ADCY9: variants seen among roughly 807,000 people sequenced by gnomAD.
ADCY9 encodes adenylate cyclase type 9.
A neutral mutation model predicts 101.5 loss-of-function variants in ADCY9; 50 were observed. The observed-to-expected ratio is 0.49, with a 90% CI of 0.39 to 0.62. The LOEUF (loss-of-function observed/expected upper bound fraction) is 0.62, where lower values mean the gene tolerates loss of function less well. ADCY9 is among the 20% of genes least tolerant of loss of function. The pLI is 0.00. For missense variants in ADCY9, 1,662 were observed against 1,800.4 expected (o/e 0.92, Z 1.39); for synonymous variants, 905 against 769.3 (o/e 1.18, Z -2.92).
At chr16:3,956,502 T>G (rs866865541) in intron 5 of ADCY9, among the ~76,000 whole-genome samples, 2 of 90,754 alleles carry the variant, frequency 2.2e-5, no homozygotes, top group South Asian at 7.6e-4. Flanking sequence ...TTTTTTTTTT[T>G]TGGGGGGGGA....
At position 3,963,324 on chromosome 16, in the gene ADCY9, G is replaced by T. The variant is rs1597128864; in HGVS notation, c.*2451C>A. Reference sequence around the variant, plus strand: ...CCTCGTGCCAGCTGCTTAGAAACTCGTGTCTCCAGCACGATGTGCTCGCTG... The same window carrying T: ...CCTCGTGCCAGCTGCTTAGAAACTCTTGTCTCCAGCACGATGTGCTCGCTG... On this transcript the variant is annotated 3_prime_UTR_variant, in exon 11 of 11. Transcript: ENST00000294016. 1 of 398,750 alleles carries T rather than the reference G, an allele frequency of 2.5e-6. No individual in the cohort carries two copies. The highest frequency in any genetic ancestry group is 4.4e-6 in the Non-Finnish European group (1 of 226,016). The allele number at this position is 398,750 out of a possible 1,614,324, so 24.7% of individuals were successfully genotyped here.
At chr16:3,956,786 T>C (rs908874093) in intron 5 of ADCY9, among the ~76,000 whole-genome samples, 3 of 151,934 alleles carry the variant, frequency 2.0e-5, no homozygotes, top group African/African-American at 4.8e-5. Flanking sequence ...TGAGCCACCG[T>C]GCCCGGCCAG....
intron 6 of ADCY9, chr16:3,983,648 G>C (rs2056165569): frequency 5.1e-6 from 3 of 583,394 alleles, no homozygotes; most frequent in Non-Finnish European, 9.1e-6. Context: ...TGCCCAGGGG[G>C]CTGGGCACGG....
At position 4,114,777 on chromosome 16, in the gene ADCY9, C is replaced by A; in HGVS notation, c.666G>T (p.Gly222=). 1 of 1,613,272 alleles carries A rather than the reference C, an allele frequency of 6.2e-7. No homozygotes were observed. Among genetic ancestry groups the A allele is most frequent in the Non-Finnish European group, 8.5e-7 (1 of 1,180,048 alleles). Residue 222 remains glycine, a synonymous_variant, in exon 2 of 11, where the codon GGG becomes GGT. Coordinates refer to ENST00000294016, the MANE Select transcript of ADCY9 (RefSeq NM_001116.4). The surrounding 1 kb of genome is among the most constrained non-coding windows in gnomAD (Gnocchi z 4.3). ...GCACTTCGATGCACATGGAGAAGCT[C>A]CCCACTTGAGATAAGCAAGTATCTG... is the stretch of plus-strand genomic sequence containing the variant. ...RPTDTCLSQV[G]SFSMCIEVLF...
At chr16:4,066,501 C>T (rs191832811) in intron 2 of ADCY9, among the ~76,000 whole-genome samples, 1 of 152,254 alleles carries the variant, frequency 6.6e-6, no homozygotes, top group East Asian at 1.9e-4. Context: ...ATCCTCCTAC[C>T]TCAGCCTCCA....
At chr16:3,956,504 G>T (rs201152671) in intron 5 of ADCY9, among the ~76,000 whole-genome samples, 24 of 4,708 alleles carry the variant, frequency 5.1e-3, no homozygotes, top group African/African-American at 7.5e-3. Context: ...TTTTTTTTTT[G>T]GGGGGGGATG....
At chr16:4,079,298 G>A (rs1019073940) in intron 2 of ADCY9, among the ~76,000 whole-genome samples, 3 of 152,226 alleles carry the variant, frequency 2.0e-5, no homozygotes, top group African/African-American at 7.2e-5. Flanking sequence ...GCCAGGCATG[G>A]TGGCTCACGC....
chr16:3,970,089 G>A (rs1005480654), intron 10 of ADCY9, among the ~76,000 whole-genome samples: 1 of 152,058 alleles, frequency 6.6e-6, no homozygotes, highest in Non-Finnish European at 1.5e-5. Context: ...TTCCTCCCGC[G>A]CACAGAGTAG....
chr16:3,993,234 T>A, intron 4 of ADCY9, 172 bp downstream of exon 4: 1 of 1,214,820 alleles, frequency 8.2e-7, no homozygotes, highest in Non-Finnish European at 1.1e-6. Context: ...CTGCTGACCC[T>A]CCCTCGAGCT....
At chr16:4,097,487 T>TATATATATATATATATATATAC (rs76750792) in intron 2 of ADCY9, among the ~76,000 whole-genome samples, 1 of 72,508 alleles carries the variant, frequency 1.4e-5, no homozygotes, top group African/African-American at 5.2e-5. Context: ...TATATATATA[T>TATATATATATATATATATATAC]ACACACACAC....
In ADCY9 at chr16:3,974,521, C is replaced by T. The variant is rs55659618; in HGVS notation, c.2870+148G>A. 3,478 of 602,002 alleles carry T rather than the reference C, an allele frequency of 5.8e-3. 17 individuals carry two copies. Among genetic ancestry groups the T allele is most frequent in the Non-Finnish European group, 8.4e-3 (2,829 of 335,512 alleles). The allele number at this position is 602,002 out of a possible 1,614,324, so 37.3% of individuals were successfully genotyped here. On this transcript the variant is annotated intron_variant, in intron 10 of 10. Transcript: ENST00000294016. ...ACATTATAACTATGATACAGTTCAA[C>T]GAGGAGATATTTTCCACTTTCTATT...
At chr16:4,086,104 A>T (rs1488887585) in intron 2 of ADCY9, among the ~76,000 whole-genome samples, 1 of 151,954 alleles carries the variant, frequency 6.6e-6, no homozygotes, top group Admixed American at 6.6e-5. Flanking sequence ...GGGCAGAAGG[A>T]TGCTGCTTGG....
chr16:4,012,591 G>T (rs12595857), intron 2 of ADCY9, among the ~76,000 whole-genome samples: 1 of 151,876 alleles, frequency 6.6e-6, no homozygotes, highest in Non-Finnish European at 1.5e-5. Context: ...CAACAACAGC[G>T]ATGTCTTTTA....
intron 3 of ADCY9, among the ~76,000 whole-genome samples, chr16:4,005,731 T>A (rs1266313895): frequency 6.6e-6 from 1 of 152,230 alleles, no homozygotes; most frequent in African/African-American, 2.4e-5. Flanking sequence ...TGGTGAACTC[T>A]GCGACCGCAT....
intron 2 of ADCY9, among the ~76,000 whole-genome samples, chr16:4,014,872 C>G (rs2056427582): frequency 6.6e-6 from 1 of 151,498 alleles, no homozygotes; most frequent in African/African-American, 2.4e-5. Context: ...AATGGCTAAA[C>G]AGCTGCCATC....
downstream of ADCY9, among the ~76,000 whole-genome samples, chr16:3,958,116 A>G (rs990230730): frequency 2.6e-5 from 4 of 152,196 alleles, no homozygotes; most frequent in African/African-American, 9.6e-5. Flanking sequence ...CTCAAAGAGC[A>G]GCGGGGGCTC....
At chr16:4,069,630 T>G (rs541662885) in intron 2 of ADCY9, among the ~76,000 whole-genome samples, 2 of 152,172 alleles carry the variant, frequency 1.3e-5, no homozygotes, top group Non-Finnish European at 2.9e-5. Flanking sequence ...CTATTCTCAA[T>G]TATATTCGTA....
chr16:4,076,303 C>G (rs2056867016), intron 2 of ADCY9, among the ~76,000 whole-genome samples: 1 of 152,162 alleles, frequency 6.6e-6, no homozygotes, highest in South Asian at 2.1e-4. Flanking sequence ...TAACAAGAGC[C>G]TAAAAGAAAA....
At chr16:3,975,435 C>T (rs2056085559) in intron 9 of ADCY9, among the ~76,000 whole-genome samples, 2 of 152,184 alleles carry the variant, frequency 1.3e-5, no homozygotes, top group Admixed American at 6.6e-5. Context: ...CGGATGCTCA[C>T]ACTGCCCATG....
Sources: allele counts gnomAD v4.1 joint callset (sites outside exome capture counted in the v4.1 genomes callset), GRCh38; gene constraint gnomAD v4.1.1; non-coding constraint Gnocchi (gnomAD v3.1); transcripts MANE v1.5; gene names NCBI Gene and HGNC (gene_info 2026-07-23, HGNC 2026-07-21).